PBX3: variants seen among roughly 807,000 people sequenced by gnomAD.
The protein encoded by PBX3 is PBX homeobox 3.
In PBX3, 14 loss-of-function variants were observed where a neutral mutation model predicts 48.5. The observed-to-expected ratio is 0.29, with a 90% CI of 0.19 to 0.45. The LOEUF is 0.45. Among genes scored for constraint, PBX3 ranks in the 20% least tolerant of loss-of-function variants. The probability of loss-of-function intolerance (pLI) is 1.00; values close to 1 mark genes in which losing one functional copy is unlikely to be tolerated. For missense variants in PBX3, 386 were observed against 546.7 expected (o/e 0.71, Z 2.93); for synonymous variants, 210 against 200.3 (o/e 1.05, Z -0.41).
At chr9:125,799,343 T>G (rs1837872864) in intron 2 of PBX3, among the ~76,000 whole-genome samples, 1 of 152,108 alleles carries the variant, frequency 6.6e-6, no homozygotes, top group African/African-American at 2.4e-5. Context: ...CGAAACTCCG[T>G]CTCTACAAAA....
In PBX3 at chr9:125,965,885, G is replaced by C; in HGVS notation, c.1267G>C (p.Glu423Gln). 11 of 1,614,074 alleles carry C rather than the reference G, an allele frequency of 6.8e-6. No homozygotes were observed. The highest frequency in any genetic ancestry group is 9.3e-6 in the Non-Finnish European group (11 of 1,179,970). ...TTPSSVTSPT[E>Q]GPGSVHSDTS... is the part of the protein sequence containing the mutation. ...TCCATCTTCTGTGACTTCTCCTACA[G>C]AAGGCCCAGGAAGTGTGCACTCGGA... Residue 423 changes from glutamate (E) to glutamine (Q), a missense_variant, in exon 9 of 9, where the codon GAA becomes CAA. Physicochemically the swap from Glu to Gln is conservative, Grantham distance 29 (BLOSUM62 2). This residue lies in a region of PBX3 where 127 missense variants were observed against 143.3 expected (regional missense o/e 0.89). Transcript: ENST00000373489.
chr9:125,899,372 T>C (rs952162046), intron 2 of PBX3, among the ~76,000 whole-genome samples: 14 of 128,340 alleles, frequency 1.1e-4, no homozygotes, highest in African/African-American at 3.9e-4. Context: ...TATATACATA[T>C]ATGTATATAT....
chr9:125,816,843 C>G (rs1838480118), intron 2 of PBX3, among the ~76,000 whole-genome samples: 1 of 152,120 alleles, frequency 6.6e-6, no homozygotes, highest in Non-Finnish European at 1.5e-5. Flanking sequence ...AACATAGAAT[C>G]CCAGTTTAAT....
At chr9:125,816,345 A>G (rs1413980075) in intron 2 of PBX3, among the ~76,000 whole-genome samples, 1 of 152,122 alleles carries the variant, frequency 6.6e-6, no homozygotes, top group Admixed American at 6.5e-5. Flanking sequence ...TCAGAGGGAA[A>G]CTGGAAAGGA....
chr9:125,747,430 C>G lies in PBX3; in HGVS notation c.-24C>G. 5 of 1,445,752 alleles carry G rather than the reference C, an allele frequency of 3.5e-6. No homozygotes were observed. Among genetic ancestry groups the G allele is most frequent in the Non-Finnish European group, 4.6e-6 (5 of 1,096,054 alleles). The allele number at this position is 1,445,752 out of a possible 1,614,324, so 89.6% of individuals were successfully genotyped here. On this transcript the variant is annotated 5_prime_UTR_variant, in exon 1 of 9. Coordinates refer to ENST00000373489, the MANE Select transcript of PBX3 (RefSeq NM_006195.6). ...CCTCAGCCTTCGCCTCAGCCGCCGC[C>G]CGCTCCCGCCCGCGCGCGGCGGGAT...
intron 3 of PBX3, among the ~76,000 whole-genome samples, chr9:125,925,723 A>C (rs1431373330): frequency 6.6e-6 from 1 of 152,176 alleles, no homozygotes; most frequent in Non-Finnish European, 1.5e-5. Flanking sequence ...ATTTCACCTA[A>C]TTCTTTGTAT....
chr9:125,843,415 G>A (rs749811651), intron 2 of PBX3, among the ~76,000 whole-genome samples: 8 of 152,006 alleles, frequency 5.3e-5, no homozygotes, highest in Non-Finnish European at 1.0e-4. Flanking sequence ...ATGGTCATAT[G>A]GGGTATACGG....
intron 2 of PBX3, among the ~76,000 whole-genome samples, chr9:125,870,217 C>T (rs370989114): frequency 4.6e-5 from 7 of 152,002 alleles, no homozygotes; most frequent in African/African-American, 1.2e-4. Flanking sequence ...TGCAGGTGTG[C>T]GCCATCATGC....
intron 4 of PBX3, among the ~76,000 whole-genome samples, chr9:125,934,329 CTG>C (rs1468780240): frequency 6.6e-6 from 1 of 152,104 alleles, no homozygotes; most frequent in South Asian, 2.1e-4. Context: ...CCTACTGACT[CTG>C]TGTTTTCTGA....
chr9:125,957,320 C>T (rs889559132), intron 5 of PBX3, among the ~76,000 whole-genome samples: 17 of 152,206 alleles, frequency 1.1e-4, no homozygotes, highest in African/African-American at 2.9e-4. Flanking sequence ...ACAGTGCCCA[C>T]AGTAGCTTCG....
Position 125,965,864 on chromosome 9 carries a change from T to C in PBX3, c.1246T>C (p.Ser416Pro). The stretch of plus-strand genomic sequence containing the variant: ...AGGCTGGCAGGACGCAACAACTCCA[T>C]CTTCTGTGACTTCTCCTACAGAAGG... The part of the protein sequence containing the change: ...NGGWQDATTP[S>P]SVTSPTEGPG... The change falls in exon 9 of 9, where the codon TCT (serine) becomes CCT (proline). Residue 416 changes from serine to proline, a missense_variant. By Grantham distance (74) the Ser-to-Pro change is moderately conservative. Transcript: ENST00000373489. 6.2e-7 allele frequency: 1 copy of C among 1,614,188 alleles called. No individual in the cohort carries two copies. The highest frequency in any genetic ancestry group is 1.7e-5 in the Admixed American group (1 of 60,030).
chr9:125,886,289 A>G (rs1019818232), intron 2 of PBX3, among the ~76,000 whole-genome samples: 1 of 152,086 alleles, frequency 6.6e-6, no homozygotes, highest in Non-Finnish European at 1.5e-5. Context: ...CCCACTGTGG[A>G]ATAGTTTATA....
chr9:125,794,239 TG>T (rs1837707405), intron 2 of PBX3, among the ~76,000 whole-genome samples: 1 of 152,238 alleles, frequency 6.6e-6, no homozygotes, highest in Non-Finnish European at 1.5e-5. Context: ...GTGTTCTCTG[TG>T]GACTGGCAGC....
chr9:125,925,267 A>G (rs1304176132), intron 3 of PBX3, among the ~76,000 whole-genome samples: 1 of 152,180 alleles, frequency 6.6e-6, no homozygotes, highest in Non-Finnish European at 1.5e-5. Flanking sequence ...ATATTGGTCC[A>G]CAAGATGCCG....
At chr9:125,817,588 C>T (rs907676383) in intron 2 of PBX3, among the ~76,000 whole-genome samples, 7 of 152,270 alleles carry the variant, frequency 4.6e-5, no homozygotes, top group African/African-American at 9.6e-5. Flanking sequence ...ACTTTGATAA[C>T]GGTGCATTCT....
chr9:125,785,184 A>G (rs1006705692), intron 2 of PBX3, among the ~76,000 whole-genome samples: 4 of 152,170 alleles, frequency 2.6e-5, no homozygotes, highest in South Asian at 4.1e-4. Flanking sequence ...GATGGTTAAT[A>G]TTAGTTGTCA....
intron 2 of PBX3, among the ~76,000 whole-genome samples, chr9:125,832,728 C>T (rs557046364): frequency 1.2e-4 from 19 of 152,256 alleles, no homozygotes; most frequent in African/African-American, 4.3e-4. Context: ...ATCTTTTTCC[C>T]TTTGCAGGTA....
intron 8 of PBX3, among the ~76,000 whole-genome samples, chr9:125,964,900 G>T (rs1204624932): frequency 6.6e-6 from 1 of 152,188 alleles, no homozygotes; most frequent in East Asian, 1.9e-4. Flanking sequence ...CCTGACATTG[G>T]TGTAGGAGGT....
At chr9:125,776,499 TC>T (rs1489934569) in intron 2 of PBX3, among the ~76,000 whole-genome samples, 1 of 152,212 alleles carries the variant, frequency 6.6e-6, no homozygotes, top group Non-Finnish European at 1.5e-5. Flanking sequence ...TCTATAGTTT[TC>T]TTGTGGTAAT....
Sources: gnomAD v4.1 joint callset for allele counts (sites outside exome capture counted in the v4.1 genomes callset) on GRCh38, gnomAD v4.1.1 for gene constraint, gnomAD v4.1.1 regional missense constraint, MANE v1.5 for transcripts, NCBI Gene and HGNC (gene_info 2026-07-23, HGNC 2026-07-21) for gene names.